The following DNAH2 variants were observed in gnomAD, a reference collection of about 807,000 sequenced individuals.
DNAH2 encodes axonemal beta dynein heavy chain 2.
A neutral mutation model predicts 523.5 loss-of-function variants in DNAH2; 323 were observed. The observed-to-expected ratio is 0.62, with a 90% CI of 0.56 to 0.68. DNAH2 has a LOEUF of 0.68. DNAH2 is among the 30% of genes least tolerant of loss of function. The pLI is 0.00. For synonymous variants in DNAH2, 2,093 were observed against 2,177.4 expected, an observed-to-expected ratio of 0.96 and a Z score of 1.08; for missense variants, 4,907 against 5,701.5, an observed-to-expected ratio of 0.86 and a Z score of 4.49.
intron 5 of DNAH2, 101 bp from the exon 6 acceptor site, chr17:7,734,082 C>T: frequency 1.0e-6 from 1 of 974,524 alleles, no homozygotes; most frequent in South Asian, 1.7e-5. Flanking sequence ...TCCTGAAATG[C>T]ATATGCTTCC....
intron 78 of DNAH2, 80 bp downstream of exon 78, chr17:7,830,571 G>A (rs142916764): frequency 5.9e-4 from 943 of 1,605,480 alleles, no homozygotes; most frequent in Non-Finnish European, 7.3e-4. Flanking sequence ...GGGAATATCC[G>A]TGGACACAAA....
Position 7,770,771 on chromosome 17 carries a change from C to G in DNAH2, c.4200C>G (p.Phe1400Leu), listed in dbSNP as rs2076293643. Residue 1400 changes from phenylalanine (F) to leucine (L), a missense_variant, in exon 27 of 86, where the codon TTC becomes TTG. Phe to Leu is a conservative substitution (Grantham distance 22). Transcript: ENST00000572933. Reference protein sequence around the residue: ...HHRLRGTEEVFQALEDNQVAL... With the variant: ...HHRLRGTEEVLQALEDNQVAL... ...GTCTCAGAGGTACAGAAGAAGTATT[C>G]CAGGCACTGGAAGATAACCAGGTAG... The G allele has an allele frequency of 1.2e-6, 2 of 1,614,018 alleles. No homozygotes were observed. The highest frequency in any genetic ancestry group is 1.7e-6 in the Non-Finnish European group (2 of 1,180,028).
chr17:7,729,851 C>G (rs1311035673), intron 4 of DNAH2, among the ~76,000 whole-genome samples: 1 of 152,278 alleles, frequency 6.6e-6, no homozygotes, highest in Admixed American at 6.5e-5. Flanking sequence ...AACACCCAAC[C>G]CTTTCACTTT....
At position 7,824,156 on chromosome 17, in the gene DNAH2, G is replaced by A. The variant is rs201194098; in HGVS notation, c.11514G>A (p.Val3838=). ...LEDSTPRSPL[V]FILSPGVDPT... is the part of the protein sequence containing the mutation. ...ATTCAACCCCACGATCCCCACTCGT[G>A]TTCATCCTGTCCCCTGGTGTGGACC... is the stretch of plus-strand genomic sequence containing the variant. Residue 3838 remains valine, a synonymous_variant, in exon 76 of 86, where the codon GTG becomes GTA. Transcript: ENST00000572933. 65 of 1,583,692 alleles carry A rather than the reference G, an allele frequency of 4.1e-5. No individual in the cohort carries two copies. The highest frequency in any genetic ancestry group is 5.0e-5 in the Non-Finnish European group (58 of 1,167,602).
At chr17:7,741,238 CTTTCTTTCTTTCTT>C (rs1338521314) in intron 11 of DNAH2, among the ~76,000 whole-genome samples, 5 of 23,900 alleles carry the variant, frequency 2.1e-4, no homozygotes, top group African/African-American at 8.4e-4. Context: ...TTCTCTCTCT[CTTTCTTTCTTTCTT>C]TCTTTCTTTC....
In DNAH2 at chr17:7,725,593, C is replaced by T. The variant is rs1374715559; in HGVS notation, c.229-1529C>T. On this transcript the variant is annotated intron_variant, in intron 3 of 85. Transcript: ENST00000572933. ...GATTACAGGTGCATGCCACCATGCCCGGCTGATTTTTGTATTTTTTTTAGT... is the reference window on the plus strand; with the variant it reads ...GATTACAGGTGCATGCCACCATGCCTGGCTGATTTTTGTATTTTTTTTAGT... 3.3e-5 allele frequency among the ~76,000 whole-genome samples: 5 copies of T among 150,074 alleles called. No individual in the cohort carries two copies. The South Asian group carries it at 8.5e-4, about 26-fold the overall frequency.
intron 28 of DNAH2, among the ~76,000 whole-genome samples, chr17:7,774,553 G>T (rs1263318053): frequency 6.6e-6 from 1 of 152,180 alleles, no homozygotes; most frequent in Non-Finnish European, 1.5e-5. Flanking sequence ...ATGTACAATA[G>T]TGCATAATGA....
chr17:7,792,437 T>C (rs2076924895), intron 46 of DNAH2, 94 bp downstream of exon 46: 1 of 1,321,000 alleles, frequency 7.6e-7, no homozygotes, highest in African/African-American at 1.5e-5. Context: ...AAATGAGCAA[T>C]AGGAAGGAGA....
chr17:7,743,648 A>T lies in DNAH2; in HGVS notation c.1904+506A>T. 1.1e-5 allele frequency: 4 copies of T among 351,932 alleles called. No individual in the cohort carries two copies. In the Admixed American group the frequency reaches 1.4e-4, roughly 13 times the overall value. 21.8% of individuals were successfully genotyped at this position (351,932 alleles called of 1,614,324 possible). On this transcript the variant is annotated intron_variant, in intron 12 of 85. Coordinates refer to ENST00000572933, the MANE Select transcript of DNAH2 (RefSeq NM_020877.5). ...ACCACTACACTCCAGCCTGGGCGACAGAGTGACCCTGCCTCAAAAACAAAA... is the reference window on the plus strand; with the variant it reads ...ACCACTACACTCCAGCCTGGGCGACTGAGTGACCCTGCCTCAAAAACAAAA...
Position 7,774,772 on chromosome 17 carries a change from A to G in DNAH2, c.4515A>G (p.Thr1505=). ...RSTHHPGLLD[T]LIEMNTILED... is the part of the protein sequence containing the mutation. The stretch of plus-strand genomic sequence containing the variant: ...TCTTCTTCCCAGGCCTCCTGGACAC[A>G]TTGATAGAAATGAATACAATCCTGG... Residue 1505 remains threonine (T), a synonymous_variant, in exon 29 of 86, where the codon ACA becomes ACG. Coordinates refer to ENST00000572933, the MANE Select transcript of DNAH2 (RefSeq NM_020877.5). 1 of 1,614,108 alleles carries G rather than the reference A, an allele frequency of 6.2e-7. No homozygotes were observed. Among genetic ancestry groups the G allele is most frequent in the Non-Finnish European group, 8.5e-7 (1 of 1,179,978 alleles).
chr17:7,778,511 C>A (rs779190120), intron 35 of DNAH2, 42 bp downstream of exon 35: 7 of 1,538,022 alleles, frequency 4.6e-6, no homozygotes, highest in African/African-American at 2.8e-5. Context: ...CCTTAAATAC[C>A]TTTTCGTCCC....
At chr17:7,771,779 C>T (rs906767108) in intron 28 of DNAH2, among the ~76,000 whole-genome samples, 3 of 151,890 alleles carry the variant, frequency 2.0e-5, no homozygotes, top group South Asian at 2.1e-4. Flanking sequence ...TGCAGTGGTG[C>T]GATCTCGGCT....
chr17:7,722,576 C>A (rs1375555893), intron 2 of DNAH2, among the ~76,000 whole-genome samples: 1 of 152,126 alleles, frequency 6.6e-6, no homozygotes, highest in Non-Finnish European at 1.5e-5. Context: ...CCCCGCAGAT[C>A]CCAGGAACCG....
chr17:7,809,552 A>G, intron 63 of DNAH2, among the ~76,000 whole-genome samples: 1 of 152,172 alleles, frequency 6.6e-6, no homozygotes, highest in African/African-American at 2.4e-5. Flanking sequence ...GCGAAGAATC[A>G]CAGGTGTGGC....
chr17:7,824,541 C>A lies in DNAH2; in HGVS notation c.11667C>A (p.His3889Gln). ...RLLREGVTQG[H>Q]WVFLANCHLS... Reference sequence around the variant, plus strand: ...GACCCTGGCATCTCCTTGCAGGACACTGGGTGTTCCTGGCAAACTGCCACC... The same window carrying A: ...GACCCTGGCATCTCCTTGCAGGACAATGGGTGTTCCTGGCAAACTGCCACC... The change falls in exon 77 of 86, where the codon CAC (histidine) becomes CAA (glutamine). Residue 3889 changes from histidine (H) to glutamine (Q), a missense_variant. Transcript: ENST00000572933. 6.4e-7 allele frequency: 1 copy of A among 1,557,800 alleles called. No individual in the cohort carries two copies. The highest frequency in any genetic ancestry group is 1.2e-5 in the South Asian group (1 of 85,198).
chr17:7,798,763 C>G lies in DNAH2; in HGVS notation c.8559+45C>G. ...CTTGACCAGTCAGTTCTTTGGCCTG[C>G]CTAGCTGACCCCAGAAGGACCACAG... is the stretch of plus-strand genomic sequence containing the variant. On this transcript the variant is annotated intron_variant, in intron 55 of 85. Coordinates refer to ENST00000572933, the MANE Select transcript of DNAH2 (RefSeq NM_020877.5). This position sits in a 1 kb window ranked among gnomAD's most constrained non-coding sequence, Gnocchi z 5.5. 6.3e-7 allele frequency: 1 copy of G among 1,583,378 alleles called. No homozygotes were observed. Among genetic ancestry groups the G allele is most frequent in the Non-Finnish European group, 8.6e-7 (1 of 1,165,942 alleles).
Position 7,807,684 on chromosome 17 carries a change from T to G in DNAH2, c.9729+98T>G. On this transcript the variant is annotated intron_variant, in intron 63 of 85. Transcript: ENST00000572933. This position sits in a 1 kb window ranked among gnomAD's most constrained non-coding sequence, Gnocchi z 5.6. ...TTTCCCCCATCTAATTCTAGCCCCCTTCCCCATGTCCTGTGCCATTCCAGT... is the reference window on the plus strand; with the variant it reads ...TTTCCCCCATCTAATTCTAGCCCCCGTCCCCATGTCCTGTGCCATTCCAGT... 2 of 1,058,870 alleles carry G rather than the reference T, an allele frequency of 1.9e-6. No individual in the cohort carries two copies. Among genetic ancestry groups the G allele is most frequent in the Non-Finnish European group, 2.8e-6 (2 of 711,176 alleles). 65.6% of individuals were successfully genotyped at this position (1,058,870 alleles called of 1,614,324 possible). A position where few individuals can be genotyped will look rare whatever the true frequency, so the allele number is the denominator to read the frequency against.
Position 7,770,706 on chromosome 17 carries a change from G to T in DNAH2, c.4182-47G>T, listed in dbSNP as rs758234341. The T allele has an allele frequency of 8.7e-6, 14 of 1,613,778 alleles. No individual in the cohort carries two copies. The Admixed American group carries it at 2.0e-4, about 23-fold the overall frequency. Reference sequence around the variant, plus strand: ...ACCCAGGCTGCAGAGTGGGACCAAGGTTGGGCAGGTGGGGATGAACTATGA... The same window carrying T: ...ACCCAGGCTGCAGAGTGGGACCAAGTTTGGGCAGGTGGGGATGAACTATGA... On this transcript the variant is annotated intron_variant, in intron 26 of 85. Coordinates refer to ENST00000572933, the MANE Select transcript of DNAH2 (RefSeq NM_020877.5).
intron 21 of DNAH2, among the ~76,000 whole-genome samples, chr17:7,765,934 A>G (rs1429455912): frequency 6.6e-6 from 1 of 151,888 alleles, no homozygotes; most frequent in Admixed American, 6.6e-5. Flanking sequence ...ACATGCCACC[A>G]CACCCGGCTA....
Sources: gnomAD v4.1 joint callset for allele counts (sites outside exome capture counted in the v4.1 genomes callset) on GRCh38, gnomAD v4.1.1 for gene constraint, Gnocchi (gnomAD v3.1) non-coding constraint, MANE v1.5 for transcripts, NCBI Gene and HGNC (gene_info 2026-07-23, HGNC 2026-07-21) for gene names.